Variants in DENR observed in about 807,000 individuals in gnomAD.
DENR encodes density-regulated protein.
In DENR, 6 loss-of-function variants were observed where a neutral mutation model predicts 30.6. The observed-to-expected ratio is 0.20, with a 90% CI of 0.11 to 0.39. The LOEUF (loss-of-function observed/expected upper bound fraction) is 0.39. Among genes scored for constraint, DENR ranks in the 10% least tolerant of loss-of-function variants. The probability of loss-of-function intolerance (pLI) is 1.00; values close to 1 mark genes in which losing one functional copy is unlikely to be tolerated. For synonymous variants in DENR, 78 were observed against 72.1 expected, an observed-to-expected ratio of 1.08 and a Z score of -0.41; for missense variants, 141 against 230.9, an observed-to-expected ratio of 0.61 and a Z score of 2.52.
intron 2 of DENR, among the ~76,000 whole-genome samples, chr12:122,758,817 G>A (rs1187993470): frequency 6.6e-6 from 1 of 150,970 alleles, no homozygotes; most frequent in Non-Finnish European, 1.5e-5. Flanking sequence ...CAAAAAAAAA[G>A]AAGCTGGAGT....
At position 122,770,867 on chromosome 12, in the gene DENR, C is replaced by T. The variant is rs1241423867; in HGVS notation, c.*1789C>T. 1.3e-5 allele frequency: 5 copies of T among 396,166 alleles called. No homozygotes were observed. Among genetic ancestry groups the T allele is most frequent in the Non-Finnish European group, 2.2e-5 (5 of 225,394 alleles). The allele number at this position is 396,166 out of a possible 1,614,324, so 24.5% of individuals were successfully genotyped here. On this transcript the variant is annotated 3_prime_UTR_variant, in exon 8 of 8. Transcript: ENST00000280557. ...AGAATTACTGGTGAAGCAGATTTAT[C>T]CATCGAGACTATCTGGTATGCGTTA...
In DENR at chr12:122,761,815, A is replaced by C. The variant is rs930914552; in HGVS notation, c.107-372A>C. Reference sequence around the variant, plus strand: ...GGGCAACAGAGTGAGACCGTGTCTCAAAAGAAAAGAAATAACCAGTTTCCT... The same window carrying C: ...GGGCAACAGAGTGAGACCGTGTCTCCAAAGAAAAGAAATAACCAGTTTCCT... On this transcript the variant is annotated intron_variant, in intron 2 of 7. Transcript: ENST00000280557. Among the ~76,000 whole-genome samples the C allele has an allele frequency of 3.3e-5, 5 of 152,336 alleles. No homozygotes were observed. In the East Asian group the frequency reaches 9.6e-4, roughly 29 times the overall value.
At chr12:122,762,377 C>T (rs1878724160) in intron 3 of DENR, among the ~76,000 whole-genome samples, 171 bp downstream of exon 3, 1 of 151,934 alleles carries the variant, frequency 6.6e-6, no homozygotes, top group African/African-American at 2.4e-5. Flanking sequence ...TATATTCTTT[C>T]CTAAATTTAG....
At chr12:122,763,779 A>G (rs1878771487) in intron 4 of DENR, among the ~76,000 whole-genome samples, 1 of 152,240 alleles carries the variant, frequency 6.6e-6, no homozygotes, top group Non-Finnish European at 1.5e-5. Flanking sequence ...ACTATATGCT[A>G]CACACTGTTG....
intron 2 of DENR, among the ~76,000 whole-genome samples, chr12:122,756,508 G>C (rs928623228): frequency 6.6e-5 from 10 of 152,172 alleles, no homozygotes; most frequent in Non-Finnish European, 1.3e-4. Flanking sequence ...TGTCAGTACA[G>C]GAGGGGAGAG....
At chr12:122,757,130 C>T (rs970897254) in intron 2 of DENR, among the ~76,000 whole-genome samples, 1 of 152,106 alleles carries the variant, frequency 6.6e-6, no homozygotes, top group African/African-American at 2.4e-5. Flanking sequence ...AAAATAGAAG[C>T]GATAGTGACA....
At chr12:122,757,037 A>C (rs996902148) in intron 2 of DENR, among the ~76,000 whole-genome samples, 2 of 152,204 alleles carry the variant, frequency 1.3e-5, no homozygotes, top group Non-Finnish European at 2.9e-5. Flanking sequence ...AACTGGATGT[A>C]GTTTTGACAG....
At chr12:122,756,133 G>A (rs1434356658) in intron 2 of DENR, among the ~76,000 whole-genome samples, 2 of 152,312 alleles carry the variant, frequency 1.3e-5, no homozygotes, top group East Asian at 3.9e-4. Context: ...TAACAGGGAA[G>A]ATGATGAATG....
chr12:122,765,698 C>A (rs1164167728), intron 5 of DENR, among the ~76,000 whole-genome samples: 1 of 152,104 alleles, frequency 6.6e-6, no homozygotes, highest in Non-Finnish European at 1.5e-5. Flanking sequence ...GTATATCATA[C>A]AAAGGGGCAC....
intron 2 of DENR, among the ~76,000 whole-genome samples, chr12:122,758,141 G>T (rs926255748): frequency 6.6e-6 from 1 of 152,052 alleles, no homozygotes; most frequent in African/African-American, 2.4e-5. Flanking sequence ...GCGTGATCTC[G>T]GCTCACTGCA....
chr12:122,754,690 AGTAAT>A (rs748924623), intron 2 of DENR, among the ~76,000 whole-genome samples: 2 of 152,196 alleles, frequency 1.3e-5, no homozygotes, highest in Non-Finnish European at 2.9e-5. Flanking sequence ...TGCCATTAAA[AGTAAT>A]GGCAAAAACT....
At position 122,761,146 on chromosome 12, in the gene DENR, T is replaced by TTA. The variant is rs1878689477; in HGVS notation, c.107-1041_107-1040insTA. Reference sequence around the variant, plus strand: ...AAAAAAATAGGCCAGGTGCGGTGGCTCATGCCTGTAATCCCAGCACTTTGG... The same window carrying TTA: ...AAAAAAATAGGCCAGGTGCGGTGGCTTACATGCCTGTAATCCCAGCACTTTGG... On this transcript the variant is annotated intron_variant, in intron 2 of 7. Coordinates refer to ENST00000280557, the MANE Select transcript of DENR (RefSeq NM_003677.5). Among the ~76,000 whole-genome samples the TTA allele has an allele frequency of 2.6e-5, 4 of 152,068 alleles. No homozygotes were observed. In the South Asian group the frequency reaches 8.3e-4, roughly 31 times the overall value.
intron 2 of DENR, 122 bp downstream of exon 2, chr12:122,753,929 A>C: frequency 1.2e-6 from 1 of 826,288 alleles, no homozygotes; most frequent in Non-Finnish European, 2.0e-6. Context: ...GTACTGGGGG[A>C]GAGGAGTCCT....
intron 2 of DENR, among the ~76,000 whole-genome samples, chr12:122,759,104 A>G (rs961282518): frequency 6.6e-6 from 1 of 152,076 alleles, no homozygotes; most frequent in South Asian, 2.1e-4. Flanking sequence ...TCGGCCTCCC[A>G]AAGTGCTGGG....
At chr12:122,761,237 C>A (rs1424970547) in intron 2 of DENR, among the ~76,000 whole-genome samples, 1 of 151,208 alleles carries the variant, frequency 6.6e-6, no homozygotes, top group African/African-American at 2.4e-5. Context: ...CATGGTGAAA[C>A]CCCGTCTCTA....
rs892966879 is a variant in DENR, at chr12:122,762,950, G to A, written c.211+21G>A. On this transcript the variant is annotated intron_variant, in intron 4 of 7. Coordinates refer to ENST00000280557, the MANE Select transcript of DENR (RefSeq NM_003677.5). ...TGTAGGTATGAACATTTTTTTTCTT[G>A]CATTAAACTTCTGTACCTGAGACAA... 8 of 1,398,246 alleles carry A rather than the reference G, an allele frequency of 5.7e-6. No homozygotes were observed. The African/African-American group carries it at 1.2e-4, about 20-fold the overall frequency. The allele number at this position is 1,398,246 out of a possible 1,614,324, so 86.6% of individuals were successfully genotyped here.
At position 122,765,334 on chromosome 12, in the gene DENR, G is replaced by C. The variant is rs2135512021; in HGVS notation, c.242G>C (p.Ser81Thr). ...TCACCCAAACAAGAAGCTGGAATTA[G>C]TGAGGGTCAAGGAACAGCAGGGGAA... is the stretch of plus-strand genomic sequence containing the variant. ...ENSPKQEAGI[S>T]EGQGTAGEEE... The change falls in exon 5 of 8, where the codon AGT becomes ACT. Residue 81 changes from serine to threonine, a missense_variant. Physicochemically the swap from Ser to Thr is moderately conservative, Grantham distance 58. This residue lies in a region of DENR where 104 missense variants were observed against 138.3 expected (regional missense o/e 0.75). Transcript: ENST00000280557. The C allele has an allele frequency of 1.3e-6, 2 of 1,552,062 alleles. No homozygotes were observed. Among genetic ancestry groups the C allele is most frequent in the Non-Finnish European group, 1.7e-6 (2 of 1,147,166 alleles).
intron 6 of DENR, among the ~76,000 whole-genome samples, chr12:122,767,866 G>T (rs904918797): frequency 2.0e-5 from 3 of 152,168 alleles, no homozygotes; most frequent in Non-Finnish European, 4.4e-5. Context: ...GGCTGGGTAG[G>T]ATTCTCTTTG....
Position 122,770,995 on chromosome 12 carries a change from C to T in DENR, c.*1917C>T, listed in dbSNP as rs1879022811. ...TCACAGTTCTTAGCAAATGCAGTTA[C>T]AATCCATAGATAGCCAGCAGTGGAT... is the stretch of plus-strand genomic sequence containing the variant. On this transcript the variant is annotated 3_prime_UTR_variant, in exon 8 of 8. Coordinates refer to ENST00000280557, the MANE Select transcript of DENR (RefSeq NM_003677.5). 2.8e-6 allele frequency: 1 copy of T among 354,634 alleles called. No individual in the cohort carries two copies. The highest frequency in any genetic ancestry group is 4.1e-5 in the East Asian group (1 of 24,122). The allele number at this position is 354,634 out of a possible 1,614,324, so 22.0% of individuals were successfully genotyped here.
Sources: allele counts gnomAD v4.1 joint callset (sites outside exome capture counted in the v4.1 genomes callset), GRCh38; gene constraint gnomAD v4.1.1; regional missense constraint gnomAD v4.1.1; transcripts MANE v1.5; gene names NCBI Gene and HGNC (gene_info 2026-07-23, HGNC 2026-07-21).